The following KIFAP3 variants were observed in gnomAD, a reference collection of about 807,000 sequenced individuals.
KIFAP3 encodes kinesin-associated protein 3.
A neutral mutation model predicts 106.5 loss-of-function variants in KIFAP3; 68 were observed. The observed-to-expected ratio is 0.64, with a 90% CI of 0.53 to 0.78. The LOEUF (loss-of-function observed/expected upper bound fraction) is 0.78, where lower values mean the gene tolerates loss of function less well. Among genes scored for constraint, KIFAP3 ranks in the 30% least tolerant of loss-of-function variants. The probability of loss-of-function intolerance (pLI) is 0.00; values close to 1 mark genes in which losing one functional copy is unlikely to be tolerated. For missense variants in KIFAP3, 780 were observed against 941.8 expected (o/e 0.83, Z 2.25); for synonymous variants, 320 against 311.5 (o/e 1.03, Z -0.29).
rs1450761963 is a variant in KIFAP3 at position 170,032,000 on chromosome 1, A to C, written c.743-16T>G. ...TCTTCATCAAGTAAACAACTTGTTAAGGATCATCCATACTCATTGAAGCAA... is the reference window on the plus strand; with the variant it reads ...TCTTCATCAAGTAAACAACTTGTTACGGATCATCCATACTCATTGAAGCAA... On this transcript the variant is annotated splice_polypyrimidine_tract_variant and intron_variant, in intron 7 of 19. Transcript: ENST00000361580. 1 of 1,492,892 alleles carries C rather than the reference A, an allele frequency of 6.7e-7. No homozygotes were observed. The allele number at this position is 1,492,892 out of a possible 1,614,324, so 92.5% of individuals were successfully genotyped here.
chr1:169,998,037 G>GA (rs758509353), intron 10 of KIFAP3, among the ~76,000 whole-genome samples: 7,956 of 139,940 alleles, frequency 0.057, 264 homozygotes, highest in African/African-American at 0.09. Flanking sequence ...TCCCTTAATG[G>GA]AAAAAAAAAA....
chr1:170,013,246 G>A lies in KIFAP3; in HGVS notation c.1183+3216C>T, dbSNP rs941855187. On this transcript the variant is annotated intron_variant, in intron 10 of 19. Transcript: ENST00000361580. ...TCTATTCCCTTATAGAAACCTGAAC[G>A]ACCTAAGATAACTGTGTATGAAATG... is the stretch of plus-strand genomic sequence containing the variant. Among the ~76,000 whole-genome samples, 6 of 152,036 alleles carry A rather than the reference G, an allele frequency of 3.9e-5. No homozygotes were observed. The East Asian group carries it at 1.2e-3, about 29-fold the overall frequency.
chr1:169,982,732 C>A lies in KIFAP3; in HGVS notation c.1642G>T (p.Val548Phe). 1.2e-6 allele frequency: 2 copies of A among 1,607,494 alleles called. No homozygotes were observed. Among genetic ancestry groups the A allele is most frequent in the South Asian group, 2.2e-5 (2 of 90,156 alleles). Residue 548 changes from valine (V) to phenylalanine (F), a missense_variant, in exon 14 of 20, where the codon GTT becomes TTT. This residue lies in a region of KIFAP3 where 588 missense variants were observed against 678.9 expected (regional missense o/e 0.87). Transcript: ENST00000361580. ...WELVLKEYKLVPYLKDKLKPG... is the reference protein window; with the variant it reads ...WELVLKEYKLFPYLKDKLKPG... ...TTTAGTTTATCCTTGAGGTATGGAA[C>A]CAACTTATATTCTTTAAGAACCAAT...
intron 11 of KIFAP3, among the ~76,000 whole-genome samples, chr1:169,985,352 G>T (rs1187162384): frequency 6.6e-6 from 1 of 151,874 alleles, no homozygotes; most frequent in Non-Finnish European, 1.5e-5. Flanking sequence ...GTCTGAACTA[G>T]GTAGAGATAA....
At position 170,027,443 on chromosome 1, in the gene KIFAP3, G is replaced by A. The variant is rs565381518; in HGVS notation, c.842-2847C>T. Among the ~76,000 whole-genome samples, 134 of 152,090 alleles carry A rather than the reference G, an allele frequency of 8.8e-4. 1 individual carries two copies. Among genetic ancestry groups the A allele is most frequent in the African/African-American group, 2.9e-3 (120 of 41,466 alleles). ...TGACCTAGAGTTTAATTATAAAAAC[G>A]GAACATTATGTCATATAACTGTATT... On this transcript the variant is annotated intron_variant, in intron 8 of 19. Coordinates refer to ENST00000361580, the MANE Select transcript of KIFAP3 (RefSeq NM_014970.4).
Position 170,035,572 on chromosome 1 carries a change from T to A in KIFAP3, c.518-19A>T. On this transcript the variant is annotated intron_variant, in intron 5 of 19. Coordinates refer to ENST00000361580, the MANE Select transcript of KIFAP3 (RefSeq NM_014970.4). Reference sequence around the variant, plus strand: ...GCAGTTTCTAAAGAAAAAGGAGAGGTACCGAAACGATCATTCTCCTTGCTC... The same window carrying A: ...GCAGTTTCTAAAGAAAAAGGAGAGGAACCGAAACGATCATTCTCCTTGCTC... 6.8e-7 allele frequency: 1 copy of A among 1,481,034 alleles called. No homozygotes were observed. The highest frequency in any genetic ancestry group is 1.2e-5 in the South Asian group (1 of 83,098). The allele number at this position is 1,481,034 out of a possible 1,614,324, so 91.7% of individuals were successfully genotyped here. A position where few individuals can be genotyped will look rare whatever the true frequency, so the allele number is the denominator to read the frequency against.
At position 169,943,172 on chromosome 1, in the gene KIFAP3, T is replaced by C. The variant is rs143769105; in HGVS notation, c.2273+10839A>G. Among the ~76,000 whole-genome samples the C allele has an allele frequency of 7.5e-3, 1,134 of 152,166 alleles. 4 individuals carry two copies. The highest frequency in any genetic ancestry group is 0.012 in the Non-Finnish European group (814 of 67,980). On this transcript the variant is annotated intron_variant, in intron 19 of 19. Coordinates refer to ENST00000361580, the MANE Select transcript of KIFAP3 (RefSeq NM_014970.4). ...GCCCATATGGCTCATATCTGAGGAG[T>C]AAGCTATTTGTAATAGCACATCTGT...
intron 19 of KIFAP3, among the ~76,000 whole-genome samples, chr1:169,950,495 T>G (rs940319717): frequency 3.3e-5 from 5 of 152,108 alleles, no homozygotes; most frequent in Admixed American, 2.6e-4. Flanking sequence ...ATTTCCCTGA[T>G]TTAAAGGAAA....
intron 19 of KIFAP3, among the ~76,000 whole-genome samples, chr1:169,936,916 C>T (rs1339199509): frequency 6.7e-6 from 1 of 149,730 alleles, no homozygotes; most frequent in Non-Finnish European, 1.5e-5. Context: ...CTAGAATAAA[C>T]ATCTTAAACA....
intron 1 of KIFAP3, among the ~76,000 whole-genome samples, chr1:170,071,754 C>T (rs1186802977): frequency 6.6e-6 from 1 of 152,196 alleles, no homozygotes; most frequent in African/African-American, 2.4e-5. Flanking sequence ...CTCCCAGGCT[C>T]CAGCTCCCAA....
chr1:169,949,515 T>A (rs1381948981), intron 19 of KIFAP3, among the ~76,000 whole-genome samples: 1 of 152,088 alleles, frequency 6.6e-6, no homozygotes, highest in Non-Finnish European at 1.5e-5. Context: ...CAAAAACTGA[T>A]TTGTAAAAGC....
intron 1 of KIFAP3, among the ~76,000 whole-genome samples, chr1:170,065,138 G>C (rs1414095080): frequency 1.3e-5 from 2 of 152,070 alleles, no homozygotes; most frequent in Non-Finnish European, 2.9e-5. Flanking sequence ...CTCCTCTGTA[G>C]TTTTTACAGT....
At chr1:169,970,151 A>C (rs1665830657) in intron 17 of KIFAP3, among the ~76,000 whole-genome samples, 1 of 151,970 alleles carries the variant, frequency 6.6e-6, no homozygotes, top group South Asian at 2.1e-4. Context: ...TGGTCAACTG[A>C]CTTATAATTC....
chr1:169,933,279 A>G (rs1002350132), intron 19 of KIFAP3, among the ~76,000 whole-genome samples: 2 of 152,050 alleles, frequency 1.3e-5, no homozygotes, highest in African/African-American at 4.8e-5. Context: ...TCAGAAAAAT[A>G]TTTCACAGTT....
chr1:169,997,130 G>A (rs988831682), intron 10 of KIFAP3, among the ~76,000 whole-genome samples: 3 of 152,130 alleles, frequency 2.0e-5, no homozygotes, highest in Admixed American at 6.6e-5. Flanking sequence ...CAGAATGCTC[G>A]GGTTCAATCT....
At chr1:170,051,406 TA>T (rs1232462835) in intron 2 of KIFAP3, among the ~76,000 whole-genome samples, 3 of 152,058 alleles carry the variant, frequency 2.0e-5, no homozygotes, top group Non-Finnish European at 1.5e-5. Flanking sequence ...GAGACTTTAA[TA>T]CCCCACTGTC....
intron 9 of KIFAP3, among the ~76,000 whole-genome samples, chr1:170,016,984 C>T (rs1004036613): frequency 1.3e-5 from 2 of 152,188 alleles, no homozygotes; most frequent in Non-Finnish European, 2.9e-5. Flanking sequence ...TGAGGCTGGG[C>T]ACAGTGGCTC....
chr1:170,068,547 A>G (rs903276863), intron 1 of KIFAP3: 1 of 151,868 alleles, frequency 6.6e-6, no homozygotes, highest in Non-Finnish European at 1.5e-5. Context: ...AAACAGAATG[A>G]AGAAAAATAA....
intron 9 of KIFAP3, among the ~76,000 whole-genome samples, chr1:170,017,226 C>T (rs1161396205): frequency 7.2e-6 from 1 of 138,720 alleles, no homozygotes; most frequent in Non-Finnish European, 1.5e-5. Flanking sequence ...TACTGCATTC[C>T]AGCCTGGTGG....
Sources: allele counts gnomAD v4.1 joint callset (sites outside exome capture counted in the v4.1 genomes callset), GRCh38; gene constraint gnomAD v4.1.1; regional missense constraint gnomAD v4.1.1; transcripts MANE v1.5; gene names NCBI Gene and HGNC (gene_info 2026-07-23, HGNC 2026-07-21).